Variants in RNF130 observed in about 807,000 individuals in gnomAD.
RNF130 encodes ring finger protein 130.
In RNF130, 21 loss-of-function variants were observed where a neutral mutation model predicts 44.6. The ratio of observed to expected loss-of-function variants is 0.47; its 90% CI spans 0.33 to 0.68. The LOEUF (loss-of-function observed/expected upper bound fraction) is 0.68, where lower values mean the gene tolerates loss of function less well. Ranked by LOEUF, RNF130 falls within the 30% of genes least tolerant of loss-of-function variation. The pLI, the probability that RNF130 is intolerant of heterozygous loss-of-function variation, is 0.02. For synonymous variants in RNF130, 214 were observed against 210.4 expected (o/e 1.02, Z -0.15); for missense variants, 479 against 560.6 (o/e 0.85, Z 1.47).
chr5:179,934,979 T>A (rs1051396224), intron 7 of RNF130, among the ~76,000 whole-genome samples: 16 of 152,208 alleles, frequency 1.1e-4, no homozygotes, highest in Admixed American at 1.0e-3. Flanking sequence ...GCTTTCGAGA[T>A]TTAAGGTCGC....
At chr5:179,976,480 C>T (rs1471920533) in intron 5 of RNF130, among the ~76,000 whole-genome samples, 1 of 152,186 alleles carries the variant, frequency 6.6e-6, no homozygotes, top group Non-Finnish European at 1.5e-5. Flanking sequence ...GGCCCTTCTC[C>T]TGATTTGCAC....
intron 3 of RNF130, among the ~76,000 whole-genome samples, chr5:179,998,384 C>T (rs1045767436): frequency 3.3e-5 from 5 of 152,074 alleles, no homozygotes; most frequent in Non-Finnish European, 7.4e-5. Context: ...TGTACAATTC[C>T]AAAAGTTTCT....
At position 179,941,479 on chromosome 5, in the gene RNF130, C is replaced by T. The variant is rs1296519154; in HGVS notation, c.1151-21053G>A. 3.3e-5 allele frequency among the ~76,000 whole-genome samples: 5 copies of T among 152,268 alleles called. No homozygotes were observed. The East Asian group carries it at 5.8e-4, about 18-fold the overall frequency. ...CCAATGGAAGGCCTGGGATGGTTAT[C>T]GGGGTTCTTTCTGCTTGGTGGCCCA... On this transcript the variant is annotated intron_variant, in intron 7 of 7. Coordinates refer to the RNF130 transcript ENST00000522208.
intron 2 of RNF130, among the ~76,000 whole-genome samples, chr5:180,039,339 A>T (rs1220671495): frequency 6.6e-6 from 1 of 151,862 alleles, no homozygotes; most frequent in Non-Finnish European, 1.5e-5. Context: ...TCCTGGGCTC[A>T]AACAATTTTC....
chr5:179,993,634 C>G (rs1263992446), intron 3 of RNF130, among the ~76,000 whole-genome samples: 1 of 152,158 alleles, frequency 6.6e-6, no homozygotes, highest in Non-Finnish European at 1.5e-5. Flanking sequence ...AGCCCTTTGT[C>G]AGATGGGTAG....
chr5:180,027,071 C>T (rs1256195666), intron 2 of RNF130, among the ~76,000 whole-genome samples: 3 of 152,182 alleles, frequency 2.0e-5, no homozygotes, highest in Non-Finnish European at 4.4e-5. Flanking sequence ...CATCAAAATG[C>T]ACAGCACAGA....
At chr5:179,961,989 G>A (rs1473406413) in intron 8 of RNF130, among the ~76,000 whole-genome samples, 1 of 152,186 alleles carries the variant, frequency 6.6e-6, no homozygotes, top group Non-Finnish European at 1.5e-5. Context: ...TATGGTCCTA[G>A]CATTATCTGT....
Position 180,016,664 on chromosome 5 carries a change from T to C in RNF130, c.443-3353A>G, listed in dbSNP as rs73350175. 8.6e-3 allele frequency among the ~76,000 whole-genome samples: 1,317 copies of C among 152,334 alleles called. 25 individuals carry two copies. The highest frequency in any genetic ancestry group is 0.03 in the African/African-American group (1,232 of 41,570). On this transcript the variant is annotated intron_variant, in intron 2 of 8. Transcript: ENST00000521389. ...GTTATTCTTTAACAGGAACTTCTGT[T>C]TCCACACTGCTTGAGTCTGGCTACT...
chr5:179,972,100 C>T (rs910703211), intron 5 of RNF130, among the ~76,000 whole-genome samples: 6 of 152,194 alleles, frequency 3.9e-5, no homozygotes, highest in African/African-American at 1.2e-4. Context: ...ACACCTAAGG[C>T]GTTATGTCTT....
At chr5:179,998,859 T>TTATATATATATATA (rs61232613) in intron 3 of RNF130, among the ~76,000 whole-genome samples, 16 of 88,748 alleles carry the variant, frequency 1.8e-4, no homozygotes, top group African/African-American at 6.3e-4. Context: ...CTAGTATTTT[T>TTATATATATATATA]TATATATATA....
intron 1 of RNF130, among the ~76,000 whole-genome samples, chr5:180,048,477 A>AT (rs1460593097): frequency 6.6e-6 from 1 of 152,180 alleles, no homozygotes; most frequent in African/African-American, 2.4e-5. Context: ...ACTTAGATTG[A>AT]TTAAAAATAA....
intron 2 of RNF130, among the ~76,000 whole-genome samples, chr5:180,016,101 G>A (rs1053470012): frequency 2.6e-5 from 4 of 152,044 alleles, no homozygotes; most frequent in Admixed American, 2.0e-4. Context: ...AGAGGAGCCC[G>A]ACCCTGCCGA....
At chr5:179,963,959 A>G (rs887492397) in intron 7 of RNF130, 1 of 186,170 alleles carries the variant, frequency 5.4e-6, no homozygotes, top group Non-Finnish European at 1.1e-5. Flanking sequence ...TCATTCTGTC[A>G]TTTCTGCAGG....
chr5:180,060,986 G>A (rs954241603), intron 1 of RNF130, among the ~76,000 whole-genome samples: 4 of 147,362 alleles, frequency 2.7e-5, no homozygotes, highest in Non-Finnish European at 4.5e-5. Flanking sequence ...GGAGAATGGC[G>A]TGAACCCCGG....
intron 8 of RNF130, among the ~76,000 whole-genome samples, chr5:179,959,628 A>G (rs1042380986): frequency 8.7e-5 from 13 of 149,330 alleles, no homozygotes; most frequent in Admixed American, 3.3e-4. Flanking sequence ...CTCCGTCTCA[A>G]AAAAAAAAAA....
chr5:179,933,658 A>G, intron 7 of RNF130: 1 of 283,280 alleles, frequency 3.5e-6, no homozygotes, highest in South Asian at 3.6e-5. Context: ...AGTAGCTGAG[A>G]CCACAGTCAC....
Position 180,066,308 on chromosome 5 carries a change from C to A in RNF130, c.247+5148G>T, listed in dbSNP as rs59121777. 3.3e-3 allele frequency among the ~76,000 whole-genome samples: 509 copies of A among 152,292 alleles called. 4 individuals are homozygous for A. The highest frequency in any genetic ancestry group is 0.012 in the African/African-American group (501 of 41,566). On this transcript the variant is annotated intron_variant, in intron 1 of 8. Transcript: ENST00000521389. ...CTTCCTAATTTTCTCTTGCTGCCGCCATGTAAGAAGTACCTTCTGCCACCC... is the reference window on the plus strand; with the variant it reads ...CTTCCTAATTTTCTCTTGCTGCCGCAATGTAAGAAGTACCTTCTGCCACCC...
At chr5:179,973,870 C>G (rs17079867) in intron 5 of RNF130, among the ~76,000 whole-genome samples, 1 of 152,130 alleles carries the variant, frequency 6.6e-6, no homozygotes, top group South Asian at 2.1e-4. Context: ...GCATACTGAG[C>G]GCCAACAAAG....
At chr5:179,951,655 AC>A (rs2113689741), downstream of RNF130, among the ~76,000 whole-genome samples, 1 of 152,310 alleles carries the variant, frequency 6.6e-6, no homozygotes, top group African/African-American at 2.4e-5. Context: ...TCCAGGATAG[AC>A]CATGTTAGGT....
Sources: allele counts gnomAD v4.1 joint callset (sites outside exome capture counted in the v4.1 genomes callset), GRCh38; gene constraint gnomAD v4.1.1; transcripts MANE v1.5; gene names NCBI Gene and HGNC (gene_info 2026-07-23, HGNC 2026-07-21).